Variants in FBN2 observed in about 807,000 individuals in gnomAD.
FBN2 encodes fibrillin-2.
In FBN2, 105 loss-of-function variants were observed where a neutral mutation model predicts 355.6. That is an observed-to-expected ratio of 0.30 (90% CI 0.25 to 0.35). FBN2 has a LOEUF of 0.35. Among genes scored for constraint, FBN2 ranks in the 10% least tolerant of loss-of-function variants. The pLI, the probability that FBN2 is intolerant of heterozygous loss-of-function variation, is 1.00. For missense variants in FBN2, 3,280 were observed against 3,758.7 expected (o/e 0.87, Z 3.33); for synonymous variants, 1,350 against 1,301.2 (o/e 1.04, Z -0.81).
At chr5:128,264,539 T>C (rs772558275) in intron 62 of FBN2, among the ~76,000 whole-genome samples, 6 of 152,246 alleles carry the variant, frequency 3.9e-5, no homozygotes, top group Non-Finnish European at 8.8e-5. Context: ...AAAGTCTGAT[T>C]ATGCTTTCAA....
chr5:128,348,131 A>T (rs1581233084), intron 23 of FBN2, among the ~76,000 whole-genome samples: 1 of 152,208 alleles, frequency 6.6e-6, no homozygotes, highest in East Asian at 1.9e-4. Context: ...GCTGAGTAAT[A>T]ATTTACAATC....
At chr5:128,433,449 C>T (rs562979943) in intron 7 of FBN2, among the ~76,000 whole-genome samples, 1 of 152,206 alleles carries the variant, frequency 6.6e-6, no homozygotes, top group East Asian at 1.9e-4. Flanking sequence ...ATCCTTAAAA[C>T]AGGTAAGAAC....
chr5:128,404,138 T>C lies in FBN2; in HGVS notation c.1078+4536A>G, dbSNP rs570017032. On this transcript the variant is annotated intron_variant, in intron 8 of 64. Transcript: ENST00000262464. ...AGCATACATGTGGTTAGAAAATAAA[T>C]AGCGTGCAAATATCTCCAACATATA... is the stretch of plus-strand genomic sequence containing the variant. Among the ~76,000 whole-genome samples, 3 of 152,306 alleles carry C rather than the reference T, an allele frequency of 2.0e-5. No individual in the cohort carries two copies. The East Asian group carries it at 5.8e-4, about 29-fold the overall frequency.
At chr5:128,438,487 T>C (rs1286130576) in intron 7 of FBN2, among the ~76,000 whole-genome samples, 1 of 152,220 alleles carries the variant, frequency 6.6e-6, no homozygotes, top group Non-Finnish European at 1.5e-5. Flanking sequence ...CATTTGACAC[T>C]CTTAAACTTT....
At chr5:128,296,970 C>A (rs1215063176) in intron 48 of FBN2, among the ~76,000 whole-genome samples, 1 of 152,122 alleles carries the variant, frequency 6.6e-6, no homozygotes, top group African/African-American at 2.4e-5. Context: ...CTCTTGTGAG[C>A]ATTTAGTGCT....
chr5:128,448,684 T>C (rs1293251628), intron 6 of FBN2, among the ~76,000 whole-genome samples: 1 of 152,170 alleles, frequency 6.6e-6, no homozygotes, highest in Non-Finnish European at 1.5e-5. Context: ...ATTTGTAATA[T>C]TATAAATACC....
At chr5:128,477,266 C>G (rs1452238222) in intron 5 of FBN2, among the ~76,000 whole-genome samples, 2 of 152,160 alleles carry the variant, frequency 1.3e-5, no homozygotes, top group African/African-American at 4.8e-5. Flanking sequence ...GCATTTCCAT[C>G]ATCCCAGAAA....
intron 7 of FBN2, among the ~76,000 whole-genome samples, chr5:128,416,376 G>T (rs1245783177): frequency 6.6e-6 from 1 of 152,194 alleles, no homozygotes. Flanking sequence ...TCTTCACTCT[G>T]TGGATTATTT....
chr5:128,491,941 A>G (rs988599138), intron 5 of FBN2, among the ~76,000 whole-genome samples: 22 of 152,122 alleles, frequency 1.4e-4, no homozygotes, highest in Non-Finnish European at 1.6e-4. Flanking sequence ...CCATTTTGTG[A>G]TTTTGATCTA....
intron 5 of FBN2, among the ~76,000 whole-genome samples, chr5:128,486,546 C>A (rs577312066): frequency 1.3e-5 from 2 of 152,308 alleles, no homozygotes; most frequent in East Asian, 1.9e-4. Flanking sequence ...ACACTCACTT[C>A]TTTCCTACCT....
At chr5:128,370,924 C>T (rs1418944652) in intron 15 of FBN2, among the ~76,000 whole-genome samples, 2 of 152,078 alleles carry the variant, frequency 1.3e-5, no homozygotes, top group Non-Finnish European at 2.9e-5. Flanking sequence ...AAGTTCAGAT[C>T]CCCACAAGAT....
intron 32 of FBN2, among the ~76,000 whole-genome samples, chr5:128,332,635 T>TCATTTTTC (rs1477511845): frequency 6.6e-6 from 1 of 152,180 alleles, no homozygotes; most frequent in Admixed American, 6.5e-5. Context: ...AACATACTAG[T>TCATTTTTC]CATTTTTCAT....
At chr5:128,464,511 A>C (rs1754650122) in intron 6 of FBN2, among the ~76,000 whole-genome samples, 1 of 152,152 alleles carries the variant, frequency 6.6e-6, no homozygotes, top group African/African-American at 2.4e-5. Context: ...CCAATTCTTC[A>C]TCTCTTTCTC....
At chr5:128,335,411 AAATT>A in intron 29 of FBN2, 40 bp downstream of exon 29, 1 of 1,613,960 alleles carries the variant, frequency 6.2e-7, no homozygotes, top group South Asian at 1.1e-5. Context: ...TTTCAAGAAA[AAATT>A]AGTTAGATGT....
intron 10 of FBN2, 61 bp downstream of exon 10, chr5:128,393,074 G>T (rs985135994): frequency 2.1e-5 from 27 of 1,266,730 alleles, no homozygotes; most frequent in Middle Eastern, 1.8e-4. Flanking sequence ...AATTATGTTA[G>T]ATATTATAAT....
intron 5 of FBN2, among the ~76,000 whole-genome samples, chr5:128,496,518 G>T (rs1755659075): frequency 6.6e-6 from 1 of 151,914 alleles, no homozygotes; most frequent in Admixed American, 6.6e-5. Context: ...GCATAATAAA[G>T]GGCCTCTACA....
chr5:128,404,023 C>G (rs1752865694), intron 8 of FBN2, among the ~76,000 whole-genome samples: 1 of 152,196 alleles, frequency 6.6e-6, no homozygotes, highest in Non-Finnish European at 1.5e-5. Flanking sequence ...GCAAATGTCA[C>G]TTTCAGCACA....
At chr5:128,288,394 T>G (rs1337585972) in intron 53 of FBN2, 44 bp downstream of exon 53, 14 of 1,604,734 alleles carry the variant, frequency 8.7e-6, no homozygotes, top group Non-Finnish European at 1.1e-5. Flanking sequence ...AAAAAACACT[T>G]TCTATGTCAA....
At chr5:128,343,905 G>C (rs1229370677) in intron 25 of FBN2, among the ~76,000 whole-genome samples, 1 of 152,102 alleles carries the variant, frequency 6.6e-6, no homozygotes, top group Non-Finnish European at 1.5e-5. Context: ...TTTATTTGGA[G>C]AACTGGTTTA....
Sources: gnomAD v4.1 joint callset for allele counts (sites outside exome capture counted in the v4.1 genomes callset) on GRCh38, gnomAD v4.1.1 for gene constraint, MANE v1.5 for transcripts, NCBI Gene and HGNC (gene_info 2026-07-23, HGNC 2026-07-21) for gene names.